Variants in BAZ1A observed in about 807,000 individuals in gnomAD.
BAZ1A encodes bromodomain adjacent to zinc finger domain protein 1A.
A neutral mutation model predicts 185.2 loss-of-function variants in BAZ1A; 50 were observed. The ratio of observed to expected loss-of-function variants is 0.27; its 90% CI spans 0.22 to 0.34. The LOEUF is 0.34. BAZ1A is among the 10% of genes least tolerant of loss of function. The probability of loss-of-function intolerance (pLI) is 1.00; values close to 1 mark genes in which losing one functional copy is unlikely to be tolerated. For missense variants in BAZ1A, 1,356 were observed against 1,839.9 expected, an observed-to-expected ratio of 0.74 and a Z score of 4.81; for synonymous variants, 571 against 615.6, an observed-to-expected ratio of 0.93 and a Z score of 1.07.
chr14:34,856,859 CAAA>C (rs577936229), intron 3 of BAZ1A, among the ~76,000 whole-genome samples: 94 of 73,998 alleles, frequency 1.3e-3, no homozygotes, highest in Admixed American at 4.5e-3. Flanking sequence ...AACTCGGTCT[CAAA>C]AAAAAAAAAA....
At chr14:34,834,005 C>A (rs2042291528) in intron 3 of BAZ1A, among the ~76,000 whole-genome samples, 2 of 152,144 alleles carry the variant, frequency 1.3e-5, no homozygotes, top group South Asian at 4.1e-4. Flanking sequence ...TCACCACTGA[C>A]TGGTAGAAAT....
chr14:34,795,424 G>C (rs148256498), intron 10 of BAZ1A, among the ~76,000 whole-genome samples: 1 of 152,262 alleles, frequency 6.6e-6, no homozygotes, highest in East Asian at 1.9e-4. Flanking sequence ...GTGGTTTTTG[G>C]ATTATTAAGG....
At chr14:34,772,595 T>C (rs547734169) in intron 20 of BAZ1A, among the ~76,000 whole-genome samples, 107 of 152,366 alleles carry the variant, frequency 7.0e-4, no homozygotes, top group South Asian at 2.1e-3. Context: ...ATATAGATTC[T>C]GATTAGTAAT....
chr14:34,838,581 G>A (rs1013833157), intron 3 of BAZ1A, among the ~76,000 whole-genome samples: 2 of 151,820 alleles, frequency 1.3e-5, no homozygotes, highest in Non-Finnish European at 2.9e-5. Context: ...GAGTTCAGTG[G>A]CGCAATCTCG....
intron 4 of BAZ1A, among the ~76,000 whole-genome samples, chr14:34,824,919 A>G (rs965903596): frequency 6.6e-6 from 1 of 152,212 alleles, no homozygotes; most frequent in African/African-American, 2.4e-5. Flanking sequence ...ATAACGATTT[A>G]GAATAGTCAT....
At chr14:34,811,191 C>T (rs1328944995) in intron 4 of BAZ1A, among the ~76,000 whole-genome samples, 155 bp from the exon 5 acceptor site, 1 of 152,150 alleles carries the variant, frequency 6.6e-6, no homozygotes, top group East Asian at 1.9e-4. Context: ...GTTGCCCAGG[C>T]TGGAATGCAA....
At chr14:34,828,025 T>C (rs985761318) in intron 3 of BAZ1A, among the ~76,000 whole-genome samples, 2 of 152,152 alleles carry the variant, frequency 1.3e-5, no homozygotes, top group East Asian at 3.9e-4. Flanking sequence ...CCGGGTGTGG[T>C]GGCTCACACC....
rs1401037246 is a variant in BAZ1A at position 34,854,886 on chromosome 14, C to T, written c.392+7158G>A. 2.0e-5 allele frequency among the ~76,000 whole-genome samples: 3 copies of T among 152,124 alleles called. No homozygotes were observed. The East Asian group carries it at 5.8e-4, about 29-fold the overall frequency. On this transcript the variant is annotated intron_variant, in intron 3 of 26. Coordinates refer to ENST00000360310, the MANE Select transcript of BAZ1A (RefSeq NM_013448.3). ...CCTGAGGTCAGGAGTTCGAGACTAG[C>T]CCTGCCAAGATGGCAAAACCCCATC...
In BAZ1A at chr14:34,874,420, G is replaced by GA. The variant is rs2043006828; in HGVS notation, c.113+71dup. 5 of 1,407,896 alleles carry GA rather than the reference G, an allele frequency of 3.6e-6. No homozygotes were observed. In the African/African-American group the frequency reaches 5.8e-5, roughly 16 times the overall value. The allele number at this position is 1,407,896 out of a possible 1,614,324, so 87.2% of individuals were successfully genotyped here. On this transcript the variant is annotated intron_variant, in intron 2 of 26. Coordinates refer to ENST00000360310, the MANE Select transcript of BAZ1A (RefSeq NM_013448.3). The surrounding 1 kb of genome is among the most constrained non-coding windows in gnomAD (Gnocchi z 4.7). ...GCCAGAAGCCCAGGGCGAGGAAAAG[G>GA]AGAGAGACAAAAGAGCGCTGCGGGG...
At chr14:34,845,147 A>G (rs374957662) in intron 3 of BAZ1A, among the ~76,000 whole-genome samples, 2 of 152,096 alleles carry the variant, frequency 1.3e-5, no homozygotes, top group South Asian at 4.1e-4. Context: ...ATATGTTTTT[A>G]ATTTTAAAAG....
At chr14:34,807,320 A>T in intron 6 of BAZ1A, 131 bp downstream of exon 6, 1 of 568,300 alleles carries the variant, frequency 1.8e-6, no homozygotes, top group Non-Finnish European at 2.7e-6. Context: ...AGAAGTACTA[A>T]AAATTGGCTC....
chr14:34,874,269 T>G lies in BAZ1A; in HGVS notation c.113+223A>C. On this transcript the variant is annotated intron_variant, in intron 2 of 26. Transcript: ENST00000360310. This position sits in a 1 kb window ranked among gnomAD's most constrained non-coding sequence, Gnocchi z 4.7. ...GAGGCCGGCCAGGGACCCAGCCTCC[T>G]CCGCCACTACCAACCCGCGTTCCCC... is the stretch of plus-strand genomic sequence containing the variant. 1 of 512,270 alleles carries G rather than the reference T, an allele frequency of 2.0e-6. No individual in the cohort carries two copies. Among genetic ancestry groups the G allele is most frequent in the South Asian group, 2.2e-5 (1 of 46,068 alleles). The allele number at this position is 512,270 out of a possible 1,614,324, so 31.7% of individuals were successfully genotyped here. A position where few individuals can be genotyped will look rare whatever the true frequency, so the allele number is the denominator to read the frequency against.
At chr14:34,771,743 A>T in intron 20 of BAZ1A, 84 bp from the exon 21 acceptor site, 1 of 1,253,976 alleles carries the variant, frequency 8.0e-7, no homozygotes, top group Non-Finnish European at 1.1e-6. Context: ...TCAAATGCTT[A>T]TTTATACCTT....
At chr14:34,822,591 G>C in intron 4 of BAZ1A, among the ~76,000 whole-genome samples, 1 of 152,052 alleles carries the variant, frequency 6.6e-6, no homozygotes, top group African/African-American at 2.4e-5. Context: ...CTCCAGCCTG[G>C]GTGACAGGGT....
At chr14:34,832,715 G>A (rs1398151086) in intron 3 of BAZ1A, among the ~76,000 whole-genome samples, 1 of 152,076 alleles carries the variant, frequency 6.6e-6, no homozygotes. Flanking sequence ...TGCATTGCTG[G>A]TGGGAATGTA....
At chr14:34,802,570 T>C (rs1233387793) in intron 7 of BAZ1A, among the ~76,000 whole-genome samples, 2 of 152,250 alleles carry the variant, frequency 1.3e-5, no homozygotes, top group African/African-American at 4.8e-5. Context: ...TTCAATCCCA[T>C]AGTTTATTCC....
intron 3 of BAZ1A, among the ~76,000 whole-genome samples, chr14:34,840,190 G>T (rs191890571): frequency 1.3e-5 from 2 of 152,232 alleles, no homozygotes; most frequent in African/African-American, 4.8e-5. Context: ...GATTGGTCCT[G>T]CCTATACTTA....
At chr14:34,801,220 C>T (rs1366445200) in intron 7 of BAZ1A, 27 bp from the exon 8 acceptor site, 1 of 1,507,142 alleles carries the variant, frequency 6.6e-7, no homozygotes, top group African/African-American at 1.4e-5. Flanking sequence ...AATAGTATGC[C>T]TGGTTCTTAT....
chr14:34,786,682 A>T (rs951090570), intron 12 of BAZ1A: 9 of 133,752 alleles, frequency 6.7e-5, no homozygotes, highest in African/African-American at 2.6e-4. Context: ...ATCTCGGCTC[A>T]CTGCAACCTC....
Sources: gnomAD v4.1 joint callset for allele counts (sites outside exome capture counted in the v4.1 genomes callset) on GRCh38, gnomAD v4.1.1 for gene constraint, Gnocchi (gnomAD v3.1) non-coding constraint, MANE v1.5 for transcripts, NCBI Gene and HGNC (gene_info 2026-07-23, HGNC 2026-07-21) for gene names.